The following LRFN5 variants were observed in gnomAD, a reference collection of about 807,000 sequenced individuals.
LRFN5 encodes leucine-rich repeat and fibronectin type-III domain-containing protein 5.
LRFN5 carries 24 observed loss-of-function variants against 45.6 expected under a neutral mutation model. The observed-to-expected ratio is 0.53, with a 90% CI of 0.38 to 0.74. The LOEUF (loss-of-function observed/expected upper bound fraction) is 0.74, where lower values mean the gene tolerates loss of function less well. LRFN5 is among the 30% of genes least tolerant of loss of function. LRFN5 has a pLI of 0.00. For synonymous variants in LRFN5, 340 were observed against 313.8 expected (o/e 1.08, Z -0.88); for missense variants, 776 against 861.5 (o/e 0.90, Z 1.24).
chr14:41,735,519 G>A (rs1306461874), intron 1 of LRFN5, among the ~76,000 whole-genome samples: 1 of 152,140 alleles, frequency 6.6e-6, no homozygotes, highest in East Asian at 1.9e-4. Flanking sequence ...CAGTCCTTCT[G>A]CGTCAGCCCC....
intron 1 of LRFN5, among the ~76,000 whole-genome samples, chr14:41,737,316 T>C (rs1416369011): frequency 1.3e-5 from 2 of 152,134 alleles, no homozygotes; most frequent in African/African-American, 4.8e-5. Context: ...TTATGCTACA[T>C]ACACTCAATA....
chr14:41,826,210 T>C (rs950538212), intron 2 of LRFN5, among the ~76,000 whole-genome samples: 7 of 152,164 alleles, frequency 4.6e-5, no homozygotes, highest in African/African-American at 1.2e-4. Context: ...AACTCACTTA[T>C]AGTTTACAAC....
intron 1 of LRFN5, among the ~76,000 whole-genome samples, chr14:41,648,707 T>C (rs1344130288): frequency 6.6e-6 from 1 of 152,032 alleles, no homozygotes; most frequent in African/African-American, 2.4e-5. Context: ...CAAAACTCTT[T>C]AATGTGTTTA....
At chr14:41,633,455 C>T (rs1006729194) in intron 1 of LRFN5, among the ~76,000 whole-genome samples, 1 of 152,030 alleles carries the variant, frequency 6.6e-6, no homozygotes, top group African/African-American at 2.4e-5. Flanking sequence ...AGATACATTT[C>T]AATAACTTTG....
intron 2 of LRFN5, among the ~76,000 whole-genome samples, chr14:41,793,335 ATGCACTCTG>A (rs1237496942): frequency 1.1e-4 from 17 of 152,022 alleles, no homozygotes; most frequent in Admixed American, 1.3e-4. Flanking sequence ...ATGAGATAAA[ATGCACTCTG>A]TGCACTCTGA....
chr14:41,892,151 ACT>A, intron 4 of LRFN5, 189 bp downstream of exon 4: 1 of 985,274 alleles, frequency 1.0e-6, no homozygotes, highest in Non-Finnish European at 1.2e-6. Context: ...TGGAAAGGCA[ACT>A]CTCAAATTCT....
chr14:41,877,025 T>A (rs931613990), intron 2 of LRFN5, among the ~76,000 whole-genome samples: 4 of 152,170 alleles, frequency 2.6e-5, no homozygotes, highest in African/African-American at 9.7e-5. Context: ...ATGAAAGTGC[T>A]ACATAATCAG....
At position 41,804,150 on chromosome 14, in the gene LRFN5, C is replaced by T. The variant is rs531648850; in HGVS notation, c.-21+37121C>T. Reference sequence around the variant, plus strand: ...TGCTGGGGTTGCAGTCGTGAGCCACCGTGCCTGGCCCAGAGTTTTATTACT... The same window carrying T: ...TGCTGGGGTTGCAGTCGTGAGCCACTGTGCCTGGCCCAGAGTTTTATTACT... On this transcript the variant is annotated intron_variant, in intron 2 of 5. Transcript: ENST00000298119. Among the ~76,000 whole-genome samples, 79 of 152,224 alleles carry T rather than the reference C, an allele frequency of 5.2e-4. 2 individuals are homozygous for T. In the South Asian group the frequency reaches 8.3e-3, roughly 16 times the overall value.
intron 1 of LRFN5, among the ~76,000 whole-genome samples, chr14:41,691,482 C>T (rs1882375680): frequency 6.6e-6 from 1 of 152,022 alleles, no homozygotes; most frequent in South Asian, 2.1e-4. Flanking sequence ...TTTAGAAGCC[C>T]ATCACTGGTC....
At chr14:41,717,234 A>G (rs375072569) in intron 1 of LRFN5, among the ~76,000 whole-genome samples, 5 of 152,162 alleles carry the variant, frequency 3.3e-5, no homozygotes, top group East Asian at 1.9e-4. Flanking sequence ...CTCAACCTCT[A>G]TTACATCCCA....
intron 1 of LRFN5, among the ~76,000 whole-genome samples, chr14:41,611,217 T>C (rs1052560628): frequency 2.0e-5 from 3 of 152,192 alleles, no homozygotes; most frequent in Admixed American, 2.0e-4. Flanking sequence ...TGTCACTCAT[T>C]GGTGCAGATT....
At chr14:41,708,246 A>G (rs1883145801) in intron 1 of LRFN5, among the ~76,000 whole-genome samples, 1 of 151,986 alleles carries the variant, frequency 6.6e-6, no homozygotes, top group Non-Finnish European at 1.5e-5. Context: ...TACATTTAAA[A>G]TACAGTATAA....
chr14:41,835,475 C>A (rs966319157), intron 2 of LRFN5, among the ~76,000 whole-genome samples: 2 of 152,164 alleles, frequency 1.3e-5, no homozygotes, highest in Non-Finnish European at 2.9e-5. Context: ...AAATAGACCT[C>A]ATAACTTCCA....
chr14:41,860,656 C>T (rs747772633), intron 2 of LRFN5, among the ~76,000 whole-genome samples: 16 of 152,132 alleles, frequency 1.1e-4, no homozygotes, highest in Non-Finnish European at 1.8e-4. Context: ...TTTACATTTT[C>T]ATCAAGTTTG....
At chr14:41,625,249 A>G (rs1888287241) in intron 1 of LRFN5, among the ~76,000 whole-genome samples, 2 of 133,760 alleles carry the variant, frequency 1.5e-5, no homozygotes, top group Non-Finnish European at 3.3e-5. Flanking sequence ...ACACCCATAT[A>G]TCAAGGGTGG....
Position 41,891,307 on chromosome 14 carries a change from G to GTA in LRFN5, c.1445_1446dup (p.Asp483MetfsTer48). On this transcript the variant is annotated frameshift_variant, in exon 4 of 6. Transcript: ENST00000298119. LOFTEE classifies it high-confidence loss of function. ...TCAATAATCTGGCTGCTGGAACTAT[G>GTA]TATGACTTGTGTGTCTTGGCCATAT... The GTA allele has an allele frequency of 1.2e-6, 2 of 1,614,084 alleles. No homozygotes were observed. Among genetic ancestry groups the GTA allele is most frequent in the Non-Finnish European group, 1.7e-6 (2 of 1,180,026 alleles).
chr14:41,815,153 A>C (rs1160341269), intron 2 of LRFN5, among the ~76,000 whole-genome samples: 1 of 152,160 alleles, frequency 6.6e-6, no homozygotes, highest in South Asian at 2.1e-4. Flanking sequence ...GTCTCCAACT[A>C]TAATAATGAA....
At chr14:41,783,797 A>G (rs1013642294) in intron 2 of LRFN5, among the ~76,000 whole-genome samples, 4 of 152,168 alleles carry the variant, frequency 2.6e-5, no homozygotes, top group African/African-American at 9.6e-5. Flanking sequence ...AAATATCATT[A>G]TCATGTATTA....
chr14:41,720,000 G>A (rs568744285), intron 1 of LRFN5, among the ~76,000 whole-genome samples: 3 of 152,028 alleles, frequency 2.0e-5, no homozygotes, highest in East Asian at 3.9e-4. Context: ...TTAGATTCAA[G>A]GGGTACATGT....
Sources: allele counts gnomAD v4.1 joint callset (sites outside exome capture counted in the v4.1 genomes callset), GRCh38; gene constraint gnomAD v4.1.1; transcripts MANE v1.5; gene names NCBI Gene and HGNC (gene_info 2026-07-23, HGNC 2026-07-21).